The following CNTLN variants were observed in gnomAD, a reference collection of about 807,000 sequenced individuals.
The protein encoded by CNTLN is centlein, centrosomal protein.
A neutral mutation model predicts 180.0 loss-of-function variants in CNTLN; 212 were observed. The ratio of observed to expected loss-of-function variants is 1.18; its 90% CI spans 1.05 to 1.32. The LOEUF (loss-of-function observed/expected upper bound fraction) is 1.32. CNTLN is among the 40% of genes most tolerant of loss of function. The pLI, the probability that CNTLN is intolerant of heterozygous loss-of-function variation, is 0.00. For missense variants in CNTLN, 2,095 were observed against 1,610.9 expected (o/e 1.30, Z -5.14); for synonymous variants, 722 against 563.1 (o/e 1.28, Z -3.99).
At chr9:17,435,470 T>C (rs1211286050) in intron 18 of CNTLN, among the ~76,000 whole-genome samples, 1 of 152,074 alleles carries the variant, frequency 6.6e-6, no homozygotes, top group Non-Finnish European at 1.5e-5. Flanking sequence ...AAGACTATGA[T>C]TAAAAGATGG....
chr9:17,139,667 A>T (rs1817954051), intron 1 of CNTLN, among the ~76,000 whole-genome samples: 2 of 152,062 alleles, frequency 1.3e-5, no homozygotes, highest in Non-Finnish European at 2.9e-5. Flanking sequence ...CTCAAAAAAA[A>T]AAAAGGAATT....
At chr9:17,316,134 A>G (rs1438199638) in intron 8 of CNTLN, among the ~76,000 whole-genome samples, 1 of 151,778 alleles carries the variant, frequency 6.6e-6, no homozygotes, top group Non-Finnish European at 1.5e-5. Flanking sequence ...AAGTGCATGT[A>G]TTTTTATAAT....
chr9:17,392,684 G>A (rs2133704839), intron 14 of CNTLN, among the ~76,000 whole-genome samples: 1 of 152,190 alleles, frequency 6.6e-6, no homozygotes, highest in South Asian at 2.1e-4. Context: ...CCATGGAATA[G>A]AAGTGATTAA....
chr9:17,199,660 G>T (rs116514360), intron 2 of CNTLN, among the ~76,000 whole-genome samples: 3,082 of 152,050 alleles, frequency 0.02, 100 homozygotes, highest in African/African-American at 0.07. Context: ...GTGTCTTGTC[G>T]TATCCTTTGC....
chr9:17,318,352 C>G (rs1359284129), intron 8 of CNTLN, among the ~76,000 whole-genome samples: 1 of 151,982 alleles, frequency 6.6e-6, no homozygotes, highest in Non-Finnish European at 1.5e-5. Context: ...TTTAAAAGAT[C>G]ACTCTGGATG....
At chr9:17,421,668 G>C (rs1564092343) in intron 18 of CNTLN, among the ~76,000 whole-genome samples, 1 of 151,946 alleles carries the variant, frequency 6.6e-6, no homozygotes, top group Non-Finnish European at 1.5e-5. Flanking sequence ...TTTCCTTTGT[G>C]TAAAAGTGAT....
chr9:17,404,729 C>T (rs991309582), intron 15 of CNTLN, among the ~76,000 whole-genome samples: 1 of 135,950 alleles, frequency 7.4e-6, no homozygotes, highest in Non-Finnish European at 1.5e-5. Context: ...CATCATCCTT[C>T]TGAAACAAAT....
chr9:17,176,968 C>T (rs112620548), intron 2 of CNTLN, among the ~76,000 whole-genome samples: 1 of 151,710 alleles, frequency 6.6e-6, no homozygotes, highest in Admixed American at 6.6e-5. Flanking sequence ...TATTTTTTTC[C>T]CTTGTCAGTC....
chr9:17,505,674 A>G (rs1833920765), downstream of CNTLN, among the ~76,000 whole-genome samples: 1 of 152,170 alleles, frequency 6.6e-6, no homozygotes, highest in African/African-American at 2.4e-5. Context: ...ACCATGGGTT[A>G]GGATACTTAT....
intron 2 of CNTLN, among the ~76,000 whole-genome samples, chr9:17,166,582 A>C (rs1240851100): frequency 6.6e-6 from 1 of 152,196 alleles, no homozygotes; most frequent in African/African-American, 2.4e-5. Flanking sequence ...TGAGATCATG[A>C]AACCTCTTAG....
the CNTLN span, among the ~76,000 whole-genome samples, chr9:17,518,393 C>CTG: frequency 6.6e-6 from 1 of 152,076 alleles, no homozygotes; most frequent in African/African-American, 2.4e-5. Context: ...TGTTTATGTG[C>CTG]TGTGGCCCTT....
intron 4 of CNTLN, among the ~76,000 whole-genome samples, chr9:17,236,085 T>G (rs1050264329): frequency 6.6e-6 from 1 of 152,162 alleles, no homozygotes; most frequent in Non-Finnish European, 1.5e-5. Flanking sequence ...GCATTATTAA[T>G]TGATAAAACC....
chr9:17,436,708 G>C (rs939621199), intron 18 of CNTLN, among the ~76,000 whole-genome samples: 1 of 152,150 alleles, frequency 6.6e-6, no homozygotes, highest in African/African-American at 2.4e-5. Flanking sequence ...TTTATTTACA[G>C]AATTCTTATT....
chr9:17,360,667 A>C (rs910648602), intron 12 of CNTLN, among the ~76,000 whole-genome samples: 1 of 152,216 alleles, frequency 6.6e-6, no homozygotes, highest in African/African-American at 2.4e-5. Flanking sequence ...AGATTGGTTA[A>C]GCAGAACCTC....
chr9:17,411,134 G>C (rs1459491558), intron 16 of CNTLN, among the ~76,000 whole-genome samples: 2 of 152,120 alleles, frequency 1.3e-5, no homozygotes, highest in African/African-American at 4.8e-5. Context: ...AGGTACCTCA[G>C]CACTCAAGGA....
chr9:17,299,076 T>C (rs993806933), intron 7 of CNTLN: 3 of 341,020 alleles, frequency 8.8e-6, no homozygotes, highest in African/African-American at 6.7e-5. Context: ...ACCCTGTTTC[T>C]ACTAAAAATA....
the CNTLN span, among the ~76,000 whole-genome samples, chr9:17,514,664 T>C: frequency 1.3e-5 from 2 of 152,228 alleles, no homozygotes; most frequent in African/African-American, 4.8e-5. Context: ...AAGTAGATTT[T>C]ATTCCAAGTG....
At position 17,299,687 on chromosome 9, in the gene CNTLN, G is replaced by GTT. The variant is rs57037351; in HGVS notation, c.1146+1340_1146+1341dup. 3.5e-4 allele frequency: 345 copies of GTT among 985,108 alleles called. 2 individuals are homozygous for GTT. In the African/African-American group the frequency reaches 5.8e-3, roughly 16 times the overall value. The allele number at this position is 985,108 out of a possible 1,614,324, so 61.0% of individuals were successfully genotyped here. On this transcript the variant is annotated intron_variant, in intron 7 of 25. Transcript: ENST00000380647. ...TTTATGGGGTGACATTGCCCACTGT[G>GTT]TTTTTTGTTTCTAAAGCACGTTCCA... is the stretch of plus-strand genomic sequence containing the variant.
At chr9:17,508,076 A>G (rs998077293), downstream of CNTLN, among the ~76,000 whole-genome samples, 27 of 152,186 alleles carry the variant, frequency 1.8e-4, no homozygotes, top group African/African-American at 5.8e-4. Flanking sequence ...CCCTGGGTTC[A>G]TGCTCCACCC....
Sources: allele counts gnomAD v4.1 joint callset (sites outside exome capture counted in the v4.1 genomes callset), GRCh38; gene constraint gnomAD v4.1.1; transcripts MANE v1.5; gene names NCBI Gene and HGNC (gene_info 2026-07-23, HGNC 2026-07-21).